The following PLXDC1 variants were observed in gnomAD, a reference collection of about 807,000 sequenced individuals.
PLXDC1 encodes the protein plexin domain-containing protein 1.
PLXDC1 carries 39 observed loss-of-function variants against 61.3 expected under a neutral mutation model. That is an observed-to-expected ratio of 0.64 (90% confidence interval 0.49 to 0.83). The LOEUF (loss-of-function observed/expected upper bound fraction) is 0.83, where lower values mean the gene tolerates loss of function less well. Among genes scored for constraint, PLXDC1 ranks in the 40% least tolerant of loss-of-function variants. The pLI, the probability that PLXDC1 is intolerant of heterozygous loss-of-function variation, is 0.00. For missense variants in PLXDC1, 596 were observed against 666.5 expected (o/e 0.89, Z 1.17); for synonymous variants, 212 against 254.5 (o/e 0.83, Z 1.59).
rs1472112057 is a variant in PLXDC1, at chr17:39,064,991, C to T, written c.*2849G>A. The T allele has an allele frequency of 6.6e-6, 1 of 152,208 alleles. No homozygotes were observed. The highest frequency in any genetic ancestry group is 2.4e-5 in the African/African-American group (1 of 41,428). The allele number at this position is 152,208 out of a possible 1,614,324, so 9.4% of individuals were successfully genotyped here. A position where few individuals can be genotyped will look rare whatever the true frequency, so the allele number is the denominator to read the frequency against. On this transcript the variant is annotated 3_prime_UTR_variant, in exon 14 of 14. Coordinates refer to ENST00000315392, the MANE Select transcript of PLXDC1 (RefSeq NM_020405.5). Reference sequence around the variant, plus strand: ...TGATTCCATGGACAGCACCACTCATCTCACTCCCCAACTCTAGCACACGTT... The same window carrying T: ...TGATTCCATGGACAGCACCACTCATTTCACTCCCCAACTCTAGCACACGTT...
At chr17:39,129,765 AAGAG>A (rs138100849) in intron 2 of PLXDC1, among the ~76,000 whole-genome samples, 17 of 151,330 alleles carry the variant, frequency 1.1e-4, no homozygotes, top group East Asian at 5.8e-4. Flanking sequence ...GAAAGAAAGA[AAGAG>A]AGAAAGAAAA....
intron 1 of PLXDC1, chr17:39,144,775 ACAAGCTGTT>A (rs1912044299): frequency 6.6e-6 from 1 of 152,252 alleles, no homozygotes; most frequent in Non-Finnish European, 1.5e-5. Context: ...CTTCCGGAAC[ACAAGCTGTT>A]CATTCATTGA....
chr17:39,078,005 T>A lies in PLXDC1; in HGVS notation c.1094A>T (p.Asp365Val), dbSNP rs1909408505. ...GAAGGAAGTGTCAGGGGAGGCTGAG[T>A]CGTGGTCCTCATCCTGGAAGTCCTC... ...MCEDFQDEDH[D>V]SASPDTSFSP... Residue 365 changes from aspartate to valine, a missense_variant, in exon 11 of 14, where the codon GAC becomes GTC. Asp to Val is a radical substitution (Grantham distance 152, BLOSUM62 -3). Transcript: ENST00000315392. 6.2e-7 allele frequency: 1 copy of A among 1,612,852 alleles called. No individual in the cohort carries two copies. The highest frequency in any genetic ancestry group is 1.7e-5 in the Admixed American group (1 of 59,910).
At chr17:39,140,415 C>T (rs1054020338) in intron 1 of PLXDC1, among the ~76,000 whole-genome samples, 1 of 152,342 alleles carries the variant, frequency 6.6e-6, no homozygotes, top group South Asian at 2.1e-4. Flanking sequence ...ACGCCATTCT[C>T]CTGCCTCAGC....
upstream of PLXDC1, chr17:39,152,421 G>T: frequency 1.1e-6 from 1 of 875,890 alleles, no homozygotes; most frequent in Non-Finnish European, 1.5e-6. Context: ...ACAGGCTCTG[G>T]GGATAGATAA....
At chr17:39,101,813 C>T (rs759056235) in intron 7 of PLXDC1, among the ~76,000 whole-genome samples, 6 of 152,214 alleles carry the variant, frequency 3.9e-5, no homozygotes, top group African/African-American at 1.4e-4. Flanking sequence ...CTCCGATGCC[C>T]TGCCCTCTGC....
rs191727543 is a variant in PLXDC1 at position 39,146,987 on chromosome 17, G to A, written c.76+4375C>T. Among the ~76,000 whole-genome samples, 830 of 115,746 alleles carry A rather than the reference G, an allele frequency of 7.2e-3. 11 individuals are homozygous for A. Among genetic ancestry groups the A allele is most frequent in the African/African-American group, 0.026 (773 of 29,548 alleles). 75.9% of individuals were successfully genotyped at this position (115,746 alleles called of 152,430 possible). ...TTTTTTTTTTTTGAGACGGAGTCTC[G>A]CTCTGTCACCCAGGCTGGAGTGTAG... On this transcript the variant is annotated intron_variant, in intron 1 of 13. Transcript: ENST00000315392.
rs140950977 is a variant in PLXDC1, at chr17:39,063,756, T to C, written c.*4084A>G. ...AATTCTACCATTAAGTTCAGGTAGG[T>C]TTTTGGAGACAGAGATTGGCCGCAT... On this transcript the variant is annotated 3_prime_UTR_variant, in exon 14 of 14. Coordinates refer to ENST00000315392, the MANE Select transcript of PLXDC1 (RefSeq NM_020405.5). The C allele has an allele frequency of 3.1e-5, 14 of 446,254 alleles. No homozygotes were observed. The East Asian group carries it at 3.4e-4, about 11-fold the overall frequency. The allele number at this position is 446,254 out of a possible 1,614,324, so 27.6% of individuals were successfully genotyped here. A position where few individuals can be genotyped will look rare whatever the true frequency, so the allele number is the denominator to read the frequency against.
intron 7 of PLXDC1, chr17:39,096,939 T>C (rs1389183447): frequency 4.2e-6 from 2 of 471,342 alleles, no homozygotes; most frequent in Admixed American, 4.7e-5. Context: ...ACTTTTCTTT[T>C]CACCAAAGAT....
chr17:39,095,410 A>T (rs1910149751), intron 7 of PLXDC1, among the ~76,000 whole-genome samples: 1 of 89,980 alleles, frequency 1.1e-5, no homozygotes, highest in Non-Finnish European at 2.0e-5. Context: ...TTTGTTTTGG[A>T]TTGTTTCACC....
At chr17:39,080,209 T>G (rs1909501892) in intron 9 of PLXDC1, 1 of 152,918 alleles carries the variant, frequency 6.5e-6, no homozygotes, top group African/African-American at 2.4e-5. Context: ...CCCAGGAATT[T>G]AAGGCTATAG....
chr17:39,102,315 C>T (rs866831164), intron 7 of PLXDC1, among the ~76,000 whole-genome samples: 2 of 152,066 alleles, frequency 1.3e-5, no homozygotes, highest in Admixed American at 6.6e-5. Context: ...TTGGGACACA[C>T]GGCAAGCGAA....
At chr17:39,085,219 A>C (rs115925628) in intron 8 of PLXDC1, among the ~76,000 whole-genome samples, 2,407 of 152,340 alleles carry the variant, frequency 0.016, 64 homozygotes, top group African/African-American at 0.055. Flanking sequence ...GCATGGGCAC[A>C]GTGTGGCCAC....
chr17:39,111,726 C>T (rs16491), intron 2 of PLXDC1: 45,344 of 152,158 alleles, frequency 0.3, 7,081 homozygotes, highest in African/African-American at 0.38. Flanking sequence ...TTACATGGGG[C>T]CACTCTTGTT....
At chr17:39,108,672 G>A (rs747497399) in intron 4 of PLXDC1, 7 of 571,464 alleles carry the variant, frequency 1.2e-5, no homozygotes, top group Admixed American at 2.9e-5. Context: ...ACACTGACTC[G>A]TGCTGGCCCG....
intron 2 of PLXDC1, among the ~76,000 whole-genome samples, chr17:39,134,039 C>T (rs1167381967): frequency 6.6e-6 from 1 of 152,076 alleles, no homozygotes. Context: ...GGGTGGATCA[C>T]GAGGTCAGGA....
At chr17:39,135,448 G>A (rs747737961) in intron 2 of PLXDC1, among the ~76,000 whole-genome samples, 19 of 152,142 alleles carry the variant, frequency 1.2e-4, no homozygotes, top group African/African-American at 3.6e-4. Context: ...AGGCTGAGGC[G>A]GGTAGATCAC....
At chr17:39,106,776 A>G (rs1910608039) in intron 6 of PLXDC1, among the ~76,000 whole-genome samples, 3 of 150,082 alleles carry the variant, frequency 2.0e-5, no homozygotes, top group Non-Finnish European at 4.4e-5. Flanking sequence ...CAGCCTCCTG[A>G]GTAGCTGAGA....
chr17:39,098,385 G>A (rs1370794634), intron 7 of PLXDC1, among the ~76,000 whole-genome samples: 1 of 152,068 alleles, frequency 6.6e-6, no homozygotes, highest in Non-Finnish European at 1.5e-5. Context: ...AGTCACAATA[G>A]AGCAGAGGAC....
Sources: allele counts gnomAD v4.1 joint callset (sites outside exome capture counted in the v4.1 genomes callset), GRCh38; gene constraint gnomAD v4.1.1; transcripts MANE v1.5; gene names NCBI Gene and HGNC (gene_info 2026-07-23, HGNC 2026-07-21).